The following UBE2D2 variants were observed in gnomAD, a reference collection of about 807,000 sequenced individuals.
UBE2D2 encodes the protein ubiquitin-conjugating enzyme E2 D2.
Under a neutral mutation model 24.2 loss-of-function variants are expected in UBE2D2, and 2 were observed. The observed-to-expected ratio is 0.08, with a 90% CI of 0.03 to 0.26. The LOEUF (loss-of-function observed/expected upper bound fraction) is 0.26. UBE2D2 is among the 10% of genes least tolerant of loss of function. The pLI is 1.00. For missense variants in UBE2D2, 44 were observed against 177.6 expected (o/e 0.25, Z 4.28); for synonymous variants, 58 against 56.5 (o/e 1.03, Z -0.12).
intron 1 of UBE2D2, among the ~76,000 whole-genome samples, chr5:139,545,161 G>A (rs771712595): frequency 2.6e-5 from 4 of 152,212 alleles, no homozygotes; most frequent in Admixed American, 6.6e-5. Context: ...GCTTTTTATG[G>A]TGGAATAGTA....
At chr5:139,555,972 C>T (rs1485173953) in intron 1 of UBE2D2, among the ~76,000 whole-genome samples, 2 of 143,276 alleles carry the variant, frequency 1.4e-5, no homozygotes, top group African/African-American at 5.1e-5. Context: ...CACGGTGGCT[C>T]ACACCTGTAA....
At chr5:139,608,142 G>A (rs191087136) in intron 2 of UBE2D2, among the ~76,000 whole-genome samples, 178 of 152,134 alleles carry the variant, frequency 1.2e-3, no homozygotes, top group African/African-American at 4.0e-3. Flanking sequence ...TATCAAGAAG[G>A]GTATTCTGGC....
rs1354346377 is a variant in UBE2D2, at chr5:139,626,812, T to C, written c.*11T>C. Reference sequence around the variant, plus strand: ...AAGTATGCGATGTAATTAAAGAAATTATTGGATAACCTCTACAAATAAAGA... The same window carrying C: ...AAGTATGCGATGTAATTAAAGAAATCATTGGATAACCTCTACAAATAAAGA... On this transcript the variant is annotated 3_prime_UTR_variant, in exon 7 of 7. Transcript: ENST00000398733. 1 of 1,610,326 alleles carries C rather than the reference T, an allele frequency of 6.2e-7. No individual in the cohort carries two copies. Among genetic ancestry groups the C allele is most frequent in the Non-Finnish European group, 8.5e-7 (1 of 1,177,366 alleles).
intron 1 of UBE2D2, among the ~76,000 whole-genome samples, chr5:139,594,742 C>T (rs183241329): frequency 1.2e-3 from 177 of 152,250 alleles, no homozygotes; most frequent in African/African-American, 4.0e-3. Flanking sequence ...TGAGAATGTT[C>T]TACTTTAACT....
At chr5:139,571,331 C>G (rs1392088900) in intron 1 of UBE2D2, among the ~76,000 whole-genome samples, 1 of 149,960 alleles carries the variant, frequency 6.7e-6, no homozygotes, top group African/African-American at 2.5e-5. Context: ...CACTTGAACC[C>G]AAGAGGCGGA....
intron 2 of UBE2D2, among the ~76,000 whole-genome samples, chr5:139,601,429 C>G (rs1025709363): frequency 6.6e-6 from 1 of 152,074 alleles, no homozygotes; most frequent in Non-Finnish European, 1.5e-5. Context: ...CATGGTGAAG[C>G]CCTGTCTCTA....
intron 2 of UBE2D2, among the ~76,000 whole-genome samples, chr5:139,600,824 A>G (rs1754056674): frequency 6.6e-6 from 1 of 152,156 alleles, no homozygotes; most frequent in Non-Finnish European, 1.5e-5. Context: ...TTCTTGAGAC[A>G]GGGTCTCGCT....
chr5:139,613,233 G>C (rs1181344979), intron 2 of UBE2D2, among the ~76,000 whole-genome samples: 1 of 152,178 alleles, frequency 6.6e-6, no homozygotes, highest in East Asian at 1.9e-4. Flanking sequence ...AGGAACTTTA[G>C]GATTTGGACT....
chr5:139,599,829 A>C (rs1053900512), intron 1 of UBE2D2, among the ~76,000 whole-genome samples: 1 of 151,802 alleles, frequency 6.6e-6, no homozygotes, highest in Non-Finnish European at 1.5e-5. Flanking sequence ...TTTGAAATGG[A>C]GTCTCGCTCT....
chr5:139,619,465 G>T (rs1194965977), intron 5 of UBE2D2, among the ~76,000 whole-genome samples: 2 of 151,906 alleles, frequency 1.3e-5, no homozygotes, highest in Non-Finnish European at 2.9e-5. Context: ...GACTATACAG[G>T]TTATAGAAAT....
At chr5:139,541,096 G>C (rs531454100) in intron 1 of UBE2D2, among the ~76,000 whole-genome samples, 1 of 152,030 alleles carries the variant, frequency 6.6e-6, no homozygotes, top group Non-Finnish European at 1.5e-5. Context: ...TCATGAGTTC[G>C]AGAGCAGCCT....
intron 2 of UBE2D2, among the ~76,000 whole-genome samples, chr5:139,606,281 C>T (rs1754198298): frequency 6.6e-6 from 1 of 152,114 alleles, no homozygotes; most frequent in South Asian, 2.1e-4. Flanking sequence ...CCTGTCTCCG[C>T]CTCCCAAGTA....
chr5:139,539,711 C>T (rs1175444741), intron 1 of UBE2D2, among the ~76,000 whole-genome samples: 2 of 151,962 alleles, frequency 1.3e-5, no homozygotes, highest in Admixed American at 1.3e-4. Context: ...CCTGCCTCAG[C>T]CTCCCAAGTA....
chr5:139,605,610 A>AAAAAG (rs1395703198), intron 2 of UBE2D2, among the ~76,000 whole-genome samples: 7 of 150,006 alleles, frequency 4.7e-5, no homozygotes, highest in African/African-American at 9.8e-5. Flanking sequence ...AAAAAAAAAA[A>AAAAAG]AAAAGAAAAG....
At position 139,626,952 on chromosome 5, in the gene UBE2D2, G is replaced by A. The variant is rs951215023; in HGVS notation, c.*151G>A. 15 of 614,324 alleles carry A rather than the reference G, an allele frequency of 2.4e-5. No individual in the cohort carries two copies. The highest frequency in any genetic ancestry group is 4.0e-5 in the Non-Finnish European group (14 of 353,062). 38.1% of individuals were successfully genotyped at this position (614,324 alleles called of 1,614,324 possible). ...ACCTGATACAGCAGTGCTGCGTGTT[G>A]TACATACTTGGAACAACAAACTAGA... On this transcript the variant is annotated 3_prime_UTR_variant, in exon 7 of 7. Coordinates refer to ENST00000398733, the MANE Select transcript of UBE2D2 (RefSeq NM_003339.3).
intron 1 of UBE2D2, among the ~76,000 whole-genome samples, chr5:139,593,625 A>C (rs1209614819): frequency 6.6e-6 from 1 of 152,106 alleles, no homozygotes; most frequent in African/African-American, 2.4e-5. Context: ...TAAAATATGT[A>C]CTTTTTTTTA....
At chr5:139,590,524 G>A (rs1338165045) in intron 1 of UBE2D2, among the ~76,000 whole-genome samples, 2 of 151,552 alleles carry the variant, frequency 1.3e-5, no homozygotes, top group African/African-American at 4.8e-5. Flanking sequence ...ATATTTTGAG[G>A]GAAAGCAAAG....
chr5:139,538,799 G>C (rs950171030), intron 1 of UBE2D2, among the ~76,000 whole-genome samples: 5 of 151,746 alleles, frequency 3.3e-5, no homozygotes, highest in African/African-American at 1.2e-4. Flanking sequence ...TTTGAACCCA[G>C]GAGGCGGAGG....
intron 1 of UBE2D2, among the ~76,000 whole-genome samples, chr5:139,566,390 TGGGTCATGCAC>T (rs1383576761): frequency 0.14 from 171 of 1,190 alleles, no homozygotes; most frequent in African/African-American, 0.34. Flanking sequence ...TCATGCACAG[TGGGTCATGCAC>T]AGTGGGTCAC....
Sources: gnomAD v4.1 joint callset for allele counts (sites outside exome capture counted in the v4.1 genomes callset) on GRCh38, gnomAD v4.1.1 for gene constraint, MANE v1.5 for transcripts, NCBI Gene and HGNC (gene_info 2026-07-23, HGNC 2026-07-21) for gene names.